The following KIAA0753 variants were observed in gnomAD, a reference collection of about 807,000 sequenced individuals.
KIAA0753 encodes the protein KIAA0753, also known as protein moonraker.
A neutral mutation model predicts 116.9 loss-of-function variants in KIAA0753; 114 were observed. That is an observed-to-expected ratio of 0.98 (90% CI 0.84 to 1.14). KIAA0753 has a LOEUF of 1.14. Ranked by LOEUF, KIAA0753 falls within the 50% of genes most tolerant of loss-of-function variation. The pLI, the probability that KIAA0753 is intolerant of heterozygous loss-of-function variation, is 0.00. For synonymous variants in KIAA0753, 405 were observed against 413.1 expected, an observed-to-expected ratio of 0.98 and a Z score of 0.24; for missense variants, 1,156 against 1,172.4, an observed-to-expected ratio of 0.99 and a Z score of 0.20.
intron 16 of KIAA0753, among the ~76,000 whole-genome samples, chr17:6,594,451 G>T (rs907849700): frequency 2.0e-5 from 3 of 152,196 alleles, no homozygotes; most frequent in African/African-American, 7.2e-5. Context: ...GTGAATGAAA[G>T]AAGTCTAGGC....
intron 7 of KIAA0753, among the ~76,000 whole-genome samples, chr17:6,619,203 T>C (rs982868383): frequency 6.6e-6 from 1 of 151,398 alleles, no homozygotes; most frequent in Non-Finnish European, 1.5e-5. Flanking sequence ...CACTCCAGCC[T>C]GGACAACGGA....
chr17:6,617,175 A>G (rs1970991130), intron 7 of KIAA0753, among the ~76,000 whole-genome samples: 1 of 152,256 alleles, frequency 6.6e-6, no homozygotes, highest in East Asian at 1.9e-4. Context: ...CTGCTCAGAG[A>G]TCTTTTCTTA....
In KIAA0753 at chr17:6,623,439, A is replaced by G. The variant is rs75458426; in HGVS notation, c.888+70T>C. On this transcript the variant is annotated intron_variant, in intron 5 of 18. Coordinates refer to ENST00000361413, the MANE Select transcript of KIAA0753 (RefSeq NM_014804.3). ...ATAACATTAGTGCAGAGGGCCCTAC[A>G]CAATACTAACAAAACACTGGGAAAT... 521 of 1,311,006 alleles carry G rather than the reference A, an allele frequency of 4.0e-4. 6 individuals carry two copies. The East Asian group carries it at 0.012, about 30-fold the overall frequency. The allele number at this position is 1,311,006 out of a possible 1,614,324, so 81.2% of individuals were successfully genotyped here. A position where few individuals can be genotyped will look rare whatever the true frequency, so the allele number is the denominator to read the frequency against.
chr17:6,623,375 G>T, intron 5 of KIAA0753, 134 bp downstream of exon 5: 1 of 726,312 alleles, frequency 1.4e-6, no homozygotes, highest in Non-Finnish European at 2.3e-6. Context: ...TATGTAAGGT[G>T]CTCACTCCCT....
At chr17:6,624,638 C>A in intron 4 of KIAA0753, 117 bp downstream of exon 4, 2 of 650,576 alleles carry the variant, frequency 3.1e-6, no homozygotes, top group Non-Finnish European at 5.4e-6. Context: ...ACAAATCTGT[C>A]AGAACTCATA....
intron 14 of KIAA0753, among the ~76,000 whole-genome samples, chr17:6,597,701 C>T (rs965672018): frequency 6.6e-6 from 1 of 152,154 alleles, no homozygotes; most frequent in Non-Finnish European, 1.5e-5. Context: ...ATAATGGTAC[C>T]TTTACAAGAG....
Position 6,628,652 on chromosome 17 carries a change from T to G in KIAA0753, c.183A>C (p.Lys61Asn). The part of the protein sequence containing the change: ...YSCPHAIRIE[K>N]LKHSYNESYH... ...ATGATTCATTGTATGAGTGCTTCAG[T>G]TTTTCAATTCTAATGGCATGTGGGC... Residue 61 changes from lysine (K) to asparagine (N), a missense_variant, in exon 3 of 19, where the codon AAA (lysine) becomes AAC (asparagine). Coordinates refer to ENST00000361413, the MANE Select transcript of KIAA0753 (RefSeq NM_014804.3). The G allele has an allele frequency of 6.2e-7, 1 of 1,614,118 alleles. No individual in the cohort carries two copies. Among genetic ancestry groups the G allele is most frequent in the East Asian group, 2.2e-5 (1 of 44,886 alleles).
At chr17:6,603,636 T>C (rs931049391) in intron 12 of KIAA0753, among the ~76,000 whole-genome samples, 8 of 152,194 alleles carry the variant, frequency 5.3e-5, no homozygotes, top group Admixed American at 2.0e-4. Context: ...CTAGGGACAC[T>C]GGGACCAAAA....
At chr17:6,597,616 T>C (rs961393386) in intron 14 of KIAA0753, among the ~76,000 whole-genome samples, 7 of 152,246 alleles carry the variant, frequency 4.6e-5, no homozygotes, top group African/African-American at 1.4e-4. Flanking sequence ...AAAGAACTCA[T>C]ACATTTTGGA....
chr17:6,633,954 G>A (rs976183842), intron 2 of KIAA0753, among the ~76,000 whole-genome samples: 5 of 152,060 alleles, frequency 3.3e-5, no homozygotes, highest in African/African-American at 4.8e-5. Context: ...TATCTTGATA[G>A]AGGTATGGGT....
chr17:6,598,509 T>C (rs1156537252), intron 14 of KIAA0753, among the ~76,000 whole-genome samples: 3 of 152,234 alleles, frequency 2.0e-5, no homozygotes, highest in Non-Finnish European at 4.4e-5. Flanking sequence ...CATTCCAATT[T>C]CCTTCTGCTC....
intron 12 of KIAA0753, among the ~76,000 whole-genome samples, chr17:6,605,712 G>A (rs113083039): frequency 1.6e-3 from 238 of 152,122 alleles, no homozygotes; most frequent in Middle Eastern, 0.014. Context: ...GCTGCCTCTC[G>A]GGGGAAAGGG....
chr17:6,618,788 A>G (rs984431394), intron 7 of KIAA0753, among the ~76,000 whole-genome samples: 7 of 152,232 alleles, frequency 4.6e-5, no homozygotes, highest in African/African-American at 1.4e-4. Flanking sequence ...AAAAAAAGAA[A>G]TAAAATATTG....
chr17:6,621,066 T>C (rs1971292125), intron 6 of KIAA0753, 68 bp from the exon 7 acceptor site: 5 of 1,442,730 alleles, frequency 3.5e-6, no homozygotes, highest in Non-Finnish European at 4.8e-6. Context: ...ATCACAAAAC[T>C]GAAAATAAGG....
chr17:6,638,001 T>C (rs1452487930), intron 1 of KIAA0753: 1 of 152,388 alleles, frequency 6.6e-6, no homozygotes. Context: ...GTCCCCAGGG[T>C]CTTGGGATAC....
intron 18 of KIAA0753, among the ~76,000 whole-genome samples, chr17:6,587,852 C>G (rs983385143): frequency 6.6e-6 from 1 of 152,180 alleles, no homozygotes; most frequent in Non-Finnish European, 1.5e-5. Context: ...AAAAGAGACA[C>G]ACGTGAGTGA....
At chr17:6,615,634 A>C (rs1970866728) in intron 7 of KIAA0753, among the ~76,000 whole-genome samples, 1 of 151,498 alleles carries the variant, frequency 6.6e-6, no homozygotes, top group African/African-American at 2.4e-5. Context: ...AAAAAAAAAA[A>C]AAAAAAAACC....
chr17:6,623,004 G>A lies in KIAA0753; in HGVS notation c.982C>T (p.Pro328Ser). The A allele has an allele frequency of 4.3e-6, 7 of 1,614,174 alleles. No homozygotes were observed. Among genetic ancestry groups the A allele is most frequent in the Non-Finnish European group, 5.9e-6 (7 of 1,180,018 alleles). The stretch of plus-strand genomic sequence containing the variant: ...AGTTCCTTACACCGAGCAGGAAGTG[G>A]ATGCTCCCCTCGGTCAGTAAACTGA... ...VTQFTDRGEH[P>S]LPARCKELGS... Residue 328 changes from proline (P) to serine (S), a missense_variant, in exon 6 of 19, where the codon CCA becomes TCA. Pro to Ser is a moderately conservative substitution (Grantham distance 74). Coordinates refer to ENST00000361413, the MANE Select transcript of KIAA0753 (RefSeq NM_014804.3).
At chr17:6,591,616 C>T (rs1969069266) in intron 16 of KIAA0753, among the ~76,000 whole-genome samples, 1 of 152,206 alleles carries the variant, frequency 6.6e-6, no homozygotes, top group Non-Finnish European at 1.5e-5. Context: ...CTTTTAAATG[C>T]ATACCTAGAC....
Sources: gnomAD v4.1 joint callset for allele counts (sites outside exome capture counted in the v4.1 genomes callset) on GRCh38, gnomAD v4.1.1 for gene constraint, MANE v1.5 for transcripts, NCBI Gene and HGNC (gene_info 2026-07-23, HGNC 2026-07-21) for gene names.